CFAP54: variants seen among roughly 807,000 people sequenced by gnomAD.
CFAP54 encodes the protein cilia- and flagella-associated protein 54.
In CFAP54, 290 loss-of-function variants were observed where a neutral mutation model predicts 370.4. That is an observed-to-expected ratio of 0.78 (90% CI 0.71 to 0.86). The LOEUF (loss-of-function observed/expected upper bound fraction) is 0.86. Among genes scored for constraint, CFAP54 ranks in the 40% least tolerant of loss-of-function variants. The pLI, the probability that CFAP54 is intolerant of heterozygous loss-of-function variation, is 0.00. For missense variants in CFAP54, 3,399 were observed against 3,528.7 expected, an observed-to-expected ratio of 0.96 and a Z score of 0.93; for synonymous variants, 1,206 against 1,236.5, an observed-to-expected ratio of 0.98 and a Z score of 0.52.
chr12:96,813,772 C>A (rs1428040724), intron 64 of CFAP54, among the ~76,000 whole-genome samples: 1 of 152,124 alleles, frequency 6.6e-6, no homozygotes, highest in Admixed American at 6.5e-5. Flanking sequence ...GCCTAGGAGT[C>A]AGTAAATTAG....
At chr12:96,659,824 A>G (rs1956972031) in intron 38 of CFAP54, among the ~76,000 whole-genome samples, 1 of 152,130 alleles carries the variant, frequency 6.6e-6, no homozygotes. Context: ...ACACCAGCCT[A>G]TGTGCTTGAG....
chr12:96,691,377 T>A, intron 44 of CFAP54, 67 bp downstream of exon 44: 1 of 1,194,438 alleles, frequency 8.4e-7, no homozygotes, highest in Non-Finnish European at 1.1e-6. Flanking sequence ...CTCATACTTT[T>A]AAAATTTTGC....
intron 13 of CFAP54, among the ~76,000 whole-genome samples, chr12:96,539,402 A>G (rs1270851831): frequency 2.6e-5 from 4 of 151,944 alleles, no homozygotes; most frequent in East Asian, 1.9e-4. Context: ...GGCCAGGCAC[A>G]GGGGCTGACA....
intron 48 of CFAP54, among the ~76,000 whole-genome samples, chr12:96,716,250 A>G (rs1957677029): frequency 6.6e-6 from 1 of 152,286 alleles, no homozygotes; most frequent in Admixed American, 6.5e-5. Context: ...ATAAATGCGG[A>G]TAAGAGATCT....
chr12:96,665,131 T>G (rs2136526331), intron 39 of CFAP54, among the ~76,000 whole-genome samples: 1 of 151,522 alleles, frequency 6.6e-6, no homozygotes, highest in Admixed American at 6.6e-5. Context: ...TTGAGAACTC[T>G]CTGTTCATGT....
intron 32 of CFAP54, among the ~76,000 whole-genome samples, chr12:96,642,653 A>G (rs979721672): frequency 5.3e-5 from 8 of 152,122 alleles, no homozygotes; most frequent in Admixed American, 1.3e-4. Flanking sequence ...ACGCTAGCTT[A>G]TTTCCTTAAG....
chr12:96,608,276 A>G (rs544060217), intron 26 of CFAP54, among the ~76,000 whole-genome samples: 55 of 150,412 alleles, frequency 3.7e-4, no homozygotes, highest in African/African-American at 1.3e-3. Flanking sequence ...TTTTTGGTGC[A>G]TGGTTGTGCA....
At chr12:96,666,219 A>G (rs528802822) in intron 39 of CFAP54, among the ~76,000 whole-genome samples, 2 of 152,280 alleles carry the variant, frequency 1.3e-5, no homozygotes, top group South Asian at 2.1e-4. Flanking sequence ...TGCTTTTGGT[A>G]TTTGGCCTTT....
chr12:96,603,061 T>C (rs549210598), intron 26 of CFAP54, among the ~76,000 whole-genome samples: 10 of 152,334 alleles, frequency 6.6e-5, no homozygotes, highest in African/African-American at 2.2e-4. Flanking sequence ...TCAATGGTCT[T>C]TACAATTTGG....
intron 26 of CFAP54, among the ~76,000 whole-genome samples, chr12:96,617,370 T>C (rs1314370763): frequency 6.6e-6 from 1 of 152,130 alleles, no homozygotes; most frequent in African/African-American, 2.4e-5. Flanking sequence ...GGATGGTGCA[T>C]AGAGTGAGAA....
At chr12:96,786,366 A>T (rs1958628945) in intron 61 of CFAP54, among the ~76,000 whole-genome samples, 1 of 151,888 alleles carries the variant, frequency 6.6e-6, no homozygotes, top group African/African-American at 2.4e-5. Flanking sequence ...TTTTTAGTAG[A>T]GATAGGGTTT....
intron 12 of CFAP54, among the ~76,000 whole-genome samples, chr12:96,536,514 G>A (rs1955505131): frequency 6.6e-6 from 1 of 152,042 alleles, no homozygotes; most frequent in Non-Finnish European, 1.5e-5. Context: ...AAAGAAAGGT[G>A]TTTGGCAGTA....
chr12:96,555,990 A>G lies in CFAP54; in HGVS notation c.2410+1188A>G, dbSNP rs192071680. 4.0e-3 allele frequency among the ~76,000 whole-genome samples: 607 copies of G among 152,152 alleles called. 1 individual carries two copies. The highest frequency in any genetic ancestry group is 6.9e-3 in the Non-Finnish European group (466 of 67,920). Reference sequence around the variant, plus strand: ...TGAGTGTAGGGGATCTCGCTCTAACATAAGTCAAGATTTATTTCAAAGTGC... The same window carrying G: ...TGAGTGTAGGGGATCTCGCTCTAACGTAAGTCAAGATTTATTTCAAAGTGC... On this transcript the variant is annotated intron_variant, in intron 17 of 67. Transcript: ENST00000524981.
At chr12:96,565,474 C>T (rs1249721023) in intron 19 of CFAP54, among the ~76,000 whole-genome samples, 1 of 151,934 alleles carries the variant, frequency 6.6e-6, no homozygotes, top group Non-Finnish European at 1.5e-5. Context: ...TGAAGATGTA[C>T]AGAATAATGC....
At position 96,833,506 on chromosome 12, in the gene CFAP54, ACGTGTG is replaced by A. The variant is rs1157551243; in HGVS notation, c.9171+4419_9171+4424del. On this transcript the variant is annotated intron_variant, in intron 66 of 67. Coordinates refer to ENST00000524981, the MANE Select transcript of CFAP54 (RefSeq NM_001306084.2). Reference sequence around the variant, plus strand: ...TTTGCCTAATCAATTACACACGCGTACGTGTGTGTGTGTGTGTGTGTGTGTGTGTGT... The same window carrying A: ...TTTGCCTAATCAATTACACACGCGTATGTGTGTGTGTGTGTGTGTGTGTGT... Among the ~76,000 whole-genome samples, 77 of 96,140 alleles carry A rather than the reference ACGTGTG, an allele frequency of 8.0e-4. No individual in the cohort carries two copies. In the South Asian group the frequency reaches 0.013, roughly 16 times the overall value. 63.1% of individuals were successfully genotyped at this position (96,140 alleles called of 152,430 possible). A position where few individuals can be genotyped will look rare whatever the true frequency, so the allele number is the denominator to read the frequency against.
At chr12:96,660,429 C>T (rs551136408) in intron 38 of CFAP54, among the ~76,000 whole-genome samples, 1 of 152,272 alleles carries the variant, frequency 6.6e-6, no homozygotes, top group Admixed American at 6.5e-5. Flanking sequence ...ATCTATGTCT[C>T]TAAGTACCAT....
At chr12:96,792,866 ATT>A (rs1466834030) in intron 63 of CFAP54, among the ~76,000 whole-genome samples, 2 of 151,496 alleles carry the variant, frequency 1.3e-5, no homozygotes, top group Non-Finnish European at 2.9e-5. Flanking sequence ...TATTTTTATA[ATT>A]TTTCTTTTTA....
chr12:96,731,436 T>G (rs1957917613), intron 50 of CFAP54, among the ~76,000 whole-genome samples: 1 of 152,246 alleles, frequency 6.6e-6, no homozygotes, highest in African/African-American at 2.4e-5. Context: ...CATTTTCATT[T>G]GAAAAACAAT....
chr12:96,637,409 C>T (rs971175080), intron 32 of CFAP54, among the ~76,000 whole-genome samples: 5 of 152,114 alleles, frequency 3.3e-5, no homozygotes, highest in Non-Finnish European at 5.9e-5. Context: ...TGGGTACCTA[C>T]CTTCTTTCTT....
Sources: allele counts gnomAD v4.1 joint callset (sites outside exome capture counted in the v4.1 genomes callset), GRCh38; gene constraint gnomAD v4.1.1; transcripts MANE v1.5; gene names NCBI Gene and HGNC (gene_info 2026-07-23, HGNC 2026-07-21).